The following NAV3 variants were observed in gnomAD, a reference collection of about 807,000 sequenced individuals.
NAV3 encodes the protein pore membrane and/or filament interacting like protein 1.
In NAV3, 87 loss-of-function variants were observed where a neutral mutation model predicts 244.7. That is an observed-to-expected ratio of 0.36 (90% confidence interval 0.30 to 0.42). NAV3 has a LOEUF of 0.42. Ranked by LOEUF, NAV3 falls within the 20% of genes least tolerant of loss-of-function variation. NAV3 has a pLI of 1.00. For synonymous variants in NAV3, 1,126 were observed against 1,042.2 expected, an observed-to-expected ratio of 1.08 and a Z score of -1.55; for missense variants, 2,663 against 2,893.3, an observed-to-expected ratio of 0.92 and a Z score of 1.83.
At chr12:77,744,250 C>T (rs1032416328) in intron 2 of NAV3, among the ~76,000 whole-genome samples, 1 of 151,804 alleles carries the variant, frequency 6.6e-6, no homozygotes, top group Non-Finnish European at 1.5e-5. Flanking sequence ...GCAGAGAATG[C>T]GGAAGTAGAC....
chr12:77,932,973 C>A (rs910625071), intron 1 of NAV3, among the ~76,000 whole-genome samples: 3 of 152,162 alleles, frequency 2.0e-5, no homozygotes, highest in Non-Finnish European at 2.9e-5. Flanking sequence ...TTTCCCCTTC[C>A]TTCTGATTGT....
chr12:77,605,865 G>T (rs1158219786), intron 2 of NAV3, among the ~76,000 whole-genome samples: 1 of 151,428 alleles, frequency 6.6e-6, no homozygotes, highest in Non-Finnish European at 1.5e-5. Context: ...GCACACCCTA[G>T]AATAATGGCA....
chr12:77,652,123 C>T (rs1190257863), intron 2 of NAV3, among the ~76,000 whole-genome samples: 4 of 152,204 alleles, frequency 2.6e-5, no homozygotes, highest in Non-Finnish European at 4.4e-5. Context: ...CCACCTATTT[C>T]ATAGGTTGCT....
chr12:78,038,516 T>C (rs1880306060), intron 9 of NAV3, among the ~76,000 whole-genome samples: 2 of 152,204 alleles, frequency 1.3e-5, no homozygotes, highest in South Asian at 2.1e-4. Flanking sequence ...CTTATAGAGA[T>C]AGCAGAGGCA....
chr12:78,124,910 T>C (rs1026014580), intron 16 of NAV3, among the ~76,000 whole-genome samples: 45 of 152,226 alleles, frequency 3.0e-4, no homozygotes, highest in Admixed American at 2.4e-3. Context: ...AAAAAGTACA[T>C]GTTAACTACA....
intron 2 of NAV3, among the ~76,000 whole-genome samples, chr12:77,758,958 A>G (rs1869329657): frequency 6.6e-6 from 1 of 152,222 alleles, no homozygotes; most frequent in Non-Finnish European, 1.5e-5. Context: ...TTGTTAATGA[A>G]ATCATTTACA....
chr12:77,843,598 T>TG (rs1423437493), intron 1 of NAV3, among the ~76,000 whole-genome samples: 1 of 152,090 alleles, frequency 6.6e-6, no homozygotes, highest in African/African-American at 2.4e-5. Flanking sequence ...ATTCATTTTT[T>TG]CAATATTAAA....
chr12:77,994,963 A>G (rs764167874), intron 6 of NAV3, 92 bp downstream of exon 6: 9 of 886,602 alleles, frequency 1.0e-5, no homozygotes, highest in Non-Finnish European at 1.6e-5. Flanking sequence ...TTAATGATGC[A>G]CTTCTGAATG....
chr12:77,814,429 G>T (rs1872443754), intron 2 of NAV3, among the ~76,000 whole-genome samples: 1 of 152,102 alleles, frequency 6.6e-6, no homozygotes, highest in South Asian at 2.1e-4. Flanking sequence ...AATTAAAAGA[G>T]AAATAAATAA....
chr12:78,177,407 A>G, intron 27 of NAV3, 94 bp downstream of exon 27: 3 of 1,371,922 alleles, frequency 2.2e-6, no homozygotes, highest in Non-Finnish European at 3.0e-6. Flanking sequence ...TGTACCAATT[A>G]TTTTCAGATT....
chr12:77,769,950 A>G (rs1565806597), intron 2 of NAV3, among the ~76,000 whole-genome samples: 3 of 152,226 alleles, frequency 2.0e-5, no homozygotes, highest in Non-Finnish European at 4.4e-5. Context: ...TTCTTTTTCA[A>G]ATACACAAAA....
intron 2 of NAV3, among the ~76,000 whole-genome samples, chr12:77,765,223 C>G (rs923236781): frequency 6.6e-6 from 1 of 152,138 alleles, no homozygotes; most frequent in Non-Finnish European, 1.5e-5. Context: ...CTTTGAGACC[C>G]TTTTGCCAGC....
chr12:77,969,798 C>T (rs1892843206), intron 5 of NAV3, among the ~76,000 whole-genome samples: 1 of 151,302 alleles, frequency 6.6e-6, no homozygotes, highest in African/African-American at 2.4e-5. Context: ...GAGCCAAGAT[C>T]CAGCCTGGGT....
chr12:77,623,920 A>T (rs571641762), intron 2 of NAV3, among the ~76,000 whole-genome samples: 69 of 152,348 alleles, frequency 4.5e-4, no homozygotes, highest in African/African-American at 1.6e-3. Flanking sequence ...TAAAATGATT[A>T]TAGGAAGTAA....
intron 6 of NAV3, among the ~76,000 whole-genome samples, chr12:77,996,782 T>G (rs1872414777): frequency 1.3e-5 from 2 of 152,320 alleles, no homozygotes; most frequent in African/African-American, 2.4e-5. Context: ...GCTTTAAAAT[T>G]TTATAAGATG....
At chr12:78,038,302 C>T (rs927232197) in intron 9 of NAV3, among the ~76,000 whole-genome samples, 1 of 152,170 alleles carries the variant, frequency 6.6e-6, no homozygotes, top group Non-Finnish European at 1.5e-5. Flanking sequence ...TATTTTATGT[C>T]AATGTGTATT....
intron 2 of NAV3, among the ~76,000 whole-genome samples, chr12:77,731,364 A>C (rs1877119902): frequency 6.6e-6 from 1 of 151,998 alleles, no homozygotes; most frequent in Admixed American, 6.6e-5. Context: ...GAACACAGAA[A>C]ATTGTGCAGT....
intron 31 of NAV3, among the ~76,000 whole-genome samples, chr12:78,185,940 T>C (rs1365866835): frequency 2.0e-5 from 3 of 151,916 alleles, no homozygotes; most frequent in Admixed American, 6.6e-5. Context: ...GCCCCTCATT[T>C]CTAAAACTTT....
chr12:78,156,302 G>A (rs1957303319), intron 22 of NAV3, among the ~76,000 whole-genome samples: 1 of 151,992 alleles, frequency 6.6e-6, no homozygotes, highest in African/African-American at 2.4e-5. Flanking sequence ...AGATCAGATG[G>A]TTGTAGGTGT....
Sources: gnomAD v4.1 joint callset for allele counts (sites outside exome capture counted in the v4.1 genomes callset) on GRCh38, gnomAD v4.1.1 for gene constraint, MANE v1.5 for transcripts, NCBI Gene and HGNC (gene_info 2026-07-23, HGNC 2026-07-21) for gene names.